The following HAUS8 variants were observed in gnomAD, a reference collection of about 807,000 sequenced individuals.
The protein encoded by HAUS8 is HAUS augmin-like complex subunit 8.
HAUS8 carries 38 observed loss-of-function variants against 42.9 expected under a neutral mutation model. The observed-to-expected ratio is 0.89, with a 90% CI of 0.68 to 1.16. The LOEUF is 1.16. Among genes scored for constraint, HAUS8 ranks in the 50% most tolerant of loss-of-function variants. HAUS8 has a pLI of 0.00. For synonymous variants in HAUS8, 199 were observed against 205.8 expected, an observed-to-expected ratio of 0.97 and a Z score of 0.28; for missense variants, 494 against 511.6, an observed-to-expected ratio of 0.97 and a Z score of 0.33.
intron 9 of HAUS8, 155 bp from the exon 10 acceptor site, chr19:17,053,121 A>G: frequency 1.3e-6 from 1 of 789,078 alleles, no homozygotes; most frequent in East Asian, 2.7e-5. Flanking sequence ...CAAGGAAGAC[A>G]TTCGTCCCTT....
At chr19:17,064,727 TA>T (rs2057378365) in intron 3 of HAUS8, among the ~76,000 whole-genome samples, 1 of 152,124 alleles carries the variant, frequency 6.6e-6, no homozygotes. Flanking sequence ...CTCACAGACT[TA>T]AAAGTAAAAC....
chr19:17,075,194 G>C lies in HAUS8; in HGVS notation c.29+200C>G, dbSNP rs942919830. 1.6e-5 allele frequency: 9 copies of C among 574,268 alleles called. No individual in the cohort carries two copies. In the East Asian group the frequency reaches 2.1e-4, roughly 13 times the overall value. The allele number at this position is 574,268 out of a possible 1,614,324, so 35.6% of individuals were successfully genotyped here. On this transcript the variant is annotated intron_variant, in intron 1 of 10. Coordinates refer to ENST00000253669, the MANE Select transcript of HAUS8 (RefSeq NM_033417.2). ...CGCCCAGCGTCCCAGCCGAGGACGC[G>C]GAACTCAGGGCCGGTCGGGTGTCAG...
intron 10 of HAUS8, among the ~76,000 whole-genome samples, chr19:17,050,567 C>T (rs1228414358): frequency 1.3e-5 from 2 of 152,074 alleles, no homozygotes; most frequent in African/African-American, 4.8e-5. Context: ...CGAGACCAGC[C>T]TGGGCAACAT....
Position 17,060,089 on chromosome 19 carries a change from T to A in HAUS8, c.233A>T (p.Asp78Val), listed in dbSNP as rs751474051. The change falls in exon 5 of 11, where the codon GAT becomes GTT. Residue 78 changes from aspartate (D) to valine (V), a missense_variant. Coordinates refer to ENST00000253669, the MANE Select transcript of HAUS8 (RefSeq NM_033417.2). ...KSSLLQKSKA[D>V]SSGVGKGDLQ... is the part of the protein sequence containing the mutation. ...GTCACCCTTTCCGACCCCACTGCTATCTGCTGTTAAGAAAAGAATCCCCGA... is the reference window on the plus strand; with the variant it reads ...GTCACCCTTTCCGACCCCACTGCTAACTGCTGTTAAGAAAAGAATCCCCGA... The A allele has an allele frequency of 3.1e-6, 5 of 1,608,374 alleles. No individual in the cohort carries two copies. Among genetic ancestry groups the A allele is most frequent in the Non-Finnish European group, 4.3e-6 (5 of 1,174,938 alleles).
At position 17,049,767 on chromosome 19, in the gene HAUS8, T is replaced by G. The variant is rs1212006390; in HGVS notation, c.*106A>C. 2.0e-6 allele frequency: 2 copies of G among 1,002,016 alleles called. No homozygotes were observed. The highest frequency in any genetic ancestry group is 3.0e-5 in the Admixed American group (1 of 33,244). The allele number at this position is 1,002,016 out of a possible 1,614,324, so 62.1% of individuals were successfully genotyped here. On this transcript the variant is annotated 3_prime_UTR_variant, in exon 11 of 11. Transcript: ENST00000253669. ...CTTCATAGAAAATGGAGGCTTCAAT[T>G]GCAAAACAGGTTTACTTTTTTATCA...
intron 8 of HAUS8, among the ~76,000 whole-genome samples, chr19:17,058,110 C>T (rs1245976168): frequency 6.6e-6 from 1 of 152,264 alleles, no homozygotes; most frequent in East Asian, 1.9e-4. Flanking sequence ...AACTCACCCA[C>T]TGGGTGGGGG....
Position 17,058,649 on chromosome 19 carries a change from C to G in HAUS8, c.545G>C (p.Cys182Ser). The G allele has an allele frequency of 6.2e-7, 1 of 1,613,408 alleles. No individual in the cohort carries two copies. The highest frequency in any genetic ancestry group is 1.7e-5 in the Admixed American group (1 of 59,796). ...TTTCTGTAGCTTCTCCTTCTCCTTA[C>G]ACATTATTAATAAATTCTTTTCTGC... Reference protein sequence around the residue: ...RRAEKNLLIMCKEKEKLQKKA... With the variant: ...RRAEKNLLIMSKEKEKLQKKA... The change falls in exon 8 of 11, where the codon TGT becomes TCT. Residue 182 changes from cysteine (C) to serine (S), a missense_variant. Cys to Ser is a moderately radical substitution (Grantham distance 112). Coordinates refer to ENST00000253669, the MANE Select transcript of HAUS8 (RefSeq NM_033417.2).
In HAUS8 at chr19:17,055,153, T is replaced by C. The variant is rs4030877; in HGVS notation, c.787+708A>G. ...AAAAAAAAAAAAAAAAATATATATA[T>C]ATATATATATATATATATATATATA... On this transcript the variant is annotated intron_variant, in intron 9 of 10. Transcript: ENST00000253669. The C allele has an allele frequency of 1.4e-3, 8 of 5,902 alleles. 1 individual carries two copies. Among genetic ancestry groups the C allele is most frequent in the Non-Finnish European group, 2.1e-3 (8 of 3,748 alleles). The allele number at this position is 5,902 out of a possible 1,614,324, so 0.4% of individuals were successfully genotyped here. A position where few individuals can be genotyped will look rare whatever the true frequency, so the allele number is the denominator to read the frequency against.
At chr19:17,068,476 G>A (rs1395818537) in intron 3 of HAUS8, among the ~76,000 whole-genome samples, 1 of 152,134 alleles carries the variant, frequency 6.6e-6, no homozygotes, top group African/African-American at 2.4e-5. Flanking sequence ...GGGTTGAAAG[G>A]CAAGAACAGG....
intron 4 of HAUS8, among the ~76,000 whole-genome samples, chr19:17,062,024 C>T (rs1405662327): frequency 2.0e-5 from 3 of 152,222 alleles, no homozygotes; most frequent in Admixed American, 2.0e-4. Flanking sequence ...CAGCCCGCTT[C>T]CTTTGCTTGT....
Position 17,059,648 on chromosome 19 carries a change from T to C in HAUS8, c.329A>G (p.Lys110Arg). 6.2e-7 allele frequency: 1 copy of C among 1,611,408 alleles called. No homozygotes were observed. Among genetic ancestry groups the C allele is most frequent in the Non-Finnish European group, 8.5e-7 (1 of 1,177,764 alleles). ...CTGTGGCGTCTTTTTGACGATGCTT[T>C]TGTCTAAGATAAAGCACAGCATTTT... ...PDLDLSAIND[K>R]SIVKKTPQLA... is the part of the protein sequence containing the mutation. Residue 110 changes from lysine to arginine, a missense_variant, in exon 6 of 11, where the codon AAA becomes AGA. Coordinates refer to ENST00000253669, the MANE Select transcript of HAUS8 (RefSeq NM_033417.2).
intron 3 of HAUS8, 44 bp from the exon 4 acceptor site, chr19:17,062,823 C>G: frequency 6.8e-7 from 1 of 1,467,292 alleles, no homozygotes; most frequent in Non-Finnish European, 9.6e-7. Flanking sequence ...GACATCCTCC[C>G]TTCACAACAA....
intron 8 of HAUS8, among the ~76,000 whole-genome samples, chr19:17,057,679 G>T (rs1361970795): frequency 1.3e-5 from 2 of 152,088 alleles, no homozygotes; most frequent in African/African-American, 4.8e-5. Context: ...AGCTGCACGG[G>T]TGCTCACATG....
intron 4 of HAUS8, among the ~76,000 whole-genome samples, chr19:17,062,071 C>T (rs73022354): frequency 0.015 from 2,270 of 152,330 alleles, 26 homozygotes; most frequent in Admixed American, 0.025. Context: ...ACCTGTTCCT[C>T]TATGTCTGGT....
intron 8 of HAUS8, among the ~76,000 whole-genome samples, chr19:17,056,899 T>C (rs1243425755): frequency 2.6e-5 from 4 of 152,122 alleles, no homozygotes; most frequent in Non-Finnish European, 5.9e-5. Context: ...ATATTTTTTA[T>C]AGACAGATCT....
chr19:17,073,195 G>C, intron 2 of HAUS8, 79 bp downstream of exon 2: 1 of 1,284,316 alleles, frequency 7.8e-7, no homozygotes, highest in Non-Finnish European at 1.1e-6. Flanking sequence ...CCCTTCTCTG[G>C]CCTGTTTTTT....
intron 8 of HAUS8, among the ~76,000 whole-genome samples, chr19:17,056,661 G>A (rs907984171): frequency 6.6e-6 from 1 of 152,062 alleles, no homozygotes; most frequent in Non-Finnish European, 1.5e-5. Flanking sequence ...CGCAGTCTCG[G>A]CTCACTGCAA....
intron 6 of HAUS8, 57 bp from the exon 7 acceptor site, chr19:17,058,933 T>G: frequency 2.1e-6 from 3 of 1,446,064 alleles, no homozygotes; most frequent in Non-Finnish European, 2.9e-6. Context: ...AATCCAGCTC[T>G]TTTCCCAGCA....
At chr19:17,072,941 C>T (rs1351656074) in intron 2 of HAUS8, among the ~76,000 whole-genome samples, 2 of 143,508 alleles carry the variant, frequency 1.4e-5, no homozygotes, top group Admixed American at 7.0e-5. Context: ...CATAGTGAGA[C>T]CCCAACTCAA....
Sources: gnomAD v4.1 joint callset for allele counts (sites outside exome capture counted in the v4.1 genomes callset) on GRCh38, gnomAD v4.1.1 for gene constraint, MANE v1.5 for transcripts, NCBI Gene and HGNC (gene_info 2026-07-23, HGNC 2026-07-21) for gene names.